The following NEK11 variants were observed in gnomAD, a reference collection of about 807,000 sequenced individuals.
NEK11 encodes NIMA related kinase 11.
A neutral mutation model predicts 80.7 loss-of-function variants in NEK11; 72 were observed. The ratio of observed to expected loss-of-function variants is 0.89; its 90% CI spans 0.74 to 1.08. NEK11 has a LOEUF of 1.08. Among genes scored for constraint, NEK11 ranks in the 50% least tolerant of loss-of-function variants. The pLI is 0.00. For missense variants in NEK11, 764 were observed against 763.6 expected (o/e 1.00, Z -0.01); for synonymous variants, 251 against 260.7 (o/e 0.96, Z 0.36).
intron 3 of NEK11, among the ~76,000 whole-genome samples, chr3:131,052,138 T>A (rs928755014): frequency 1.3e-5 from 2 of 151,320 alleles, no homozygotes; most frequent in Non-Finnish European, 2.9e-5. Flanking sequence ...TTTTTTGTTT[T>A]TTTTTTTTTT....
chr3:131,059,916 T>C (rs993877529), intron 3 of NEK11, among the ~76,000 whole-genome samples: 2 of 152,220 alleles, frequency 1.3e-5, no homozygotes, highest in Admixed American at 6.5e-5. Context: ...TATGCTTGAC[T>C]AACACAGACA....
chr3:131,238,178 G>C (rs1426399651), intron 15 of NEK11, among the ~76,000 whole-genome samples: 2 of 152,102 alleles, frequency 1.3e-5, no homozygotes, highest in Non-Finnish European at 2.9e-5. Flanking sequence ...TCTTATCAGG[G>C]AGGACTCTGA....
At chr3:131,229,018 G>T (rs2095275234) in intron 15 of NEK11, among the ~76,000 whole-genome samples, 1 of 152,144 alleles carries the variant, frequency 6.6e-6, no homozygotes, top group Non-Finnish European at 1.5e-5. Context: ...TATCTCTTTA[G>T]CAGAGAGAAT....
chr3:131,219,828 T>G (rs993322453), intron 14 of NEK11, among the ~76,000 whole-genome samples: 1 of 152,174 alleles, frequency 6.6e-6, no homozygotes, highest in African/African-American at 2.4e-5. Context: ...GACGAGGGTG[T>G]GCCAATTATA....
intron 10 of NEK11, among the ~76,000 whole-genome samples, chr3:131,159,796 T>C (rs9844721): frequency 0.48 from 72,881 of 151,796 alleles, 18,519 homozygotes; most frequent in Middle Eastern, 0.67. Flanking sequence ...CAAGTATTAG[T>C]ATCAGAATGG....
At chr3:131,094,162 G>T (rs2077112568) in intron 4 of NEK11, among the ~76,000 whole-genome samples, 1 of 151,228 alleles carries the variant, frequency 6.6e-6, no homozygotes, top group African/African-American at 2.4e-5. Flanking sequence ...AACTTGGTAT[G>T]ATCTTTTTCA....
chr3:131,135,078 A>G (rs2085302776), intron 7 of NEK11, among the ~76,000 whole-genome samples: 1 of 152,214 alleles, frequency 6.6e-6, no homozygotes, highest in Non-Finnish European at 1.5e-5. Flanking sequence ...GACAAAGTAG[A>G]AAATTACATT....
chr3:131,124,505 C>G (rs1348519206), intron 5 of NEK11, among the ~76,000 whole-genome samples: 2 of 152,044 alleles, frequency 1.3e-5, no homozygotes, highest in Non-Finnish European at 2.9e-5. Context: ...CCCTACACCC[C>G]CCACTTCCTT....
chr3:131,296,818 C>G lies in NEK11; in HGVS notation c.1718+23244C>G, dbSNP rs372849930. Among the ~76,000 whole-genome samples, 34 of 152,122 alleles carry G rather than the reference C, an allele frequency of 2.2e-4. 1 individual carries two copies. The South Asian group carries it at 7.1e-3, about 32-fold the overall frequency. On this transcript the variant is annotated intron_variant, in intron 17 of 17. Transcript: ENST00000383366. ...TAATGCTATCCCTCCCCACTCCCCCCACCCCACAACAGTCCCCAGAGTGTG... is the reference window on the plus strand; with the variant it reads ...TAATGCTATCCCTCCCCACTCCCCCGACCCCACAACAGTCCCCAGAGTGTG...
intron 16 of NEK11, among the ~76,000 whole-genome samples, chr3:131,253,210 G>A (rs1359355267): frequency 6.6e-6 from 1 of 152,138 alleles, no homozygotes; most frequent in Non-Finnish European, 1.5e-5. Context: ...AAGGTTTTGT[G>A]AAAGTACCAG....
At chr3:131,052,682 A>G (rs534967107) in intron 3 of NEK11, among the ~76,000 whole-genome samples, 1 of 152,184 alleles carries the variant, frequency 6.6e-6, no homozygotes, top group African/African-American at 2.4e-5. Context: ...AGCAGAAATT[A>G]TGTTGTAAAA....
chr3:131,168,041 C>T (rs1002559627), intron 12 of NEK11, among the ~76,000 whole-genome samples: 1 of 152,218 alleles, frequency 6.6e-6, no homozygotes, highest in Non-Finnish European at 1.5e-5. Flanking sequence ...TGTCCTCTTG[C>T]CAGCTGGTTC....
intron 3 of NEK11, among the ~76,000 whole-genome samples, chr3:131,076,608 G>GAGTAAGACAAAC (rs2074398352): frequency 6.6e-6 from 1 of 152,150 alleles, no homozygotes; most frequent in Non-Finnish European, 1.5e-5. Flanking sequence ...AAGCCAAAAA[G>GAGTAAGACAAAC]TTACTCGTTT....
intron 16 of NEK11, among the ~76,000 whole-genome samples, chr3:131,262,740 T>C (rs2095952851): frequency 1.3e-5 from 2 of 152,188 alleles, no homozygotes; most frequent in Admixed American, 6.5e-5. Flanking sequence ...GGTATACACA[T>C]GCCATGGTGG....
intron 7 of NEK11, among the ~76,000 whole-genome samples, chr3:131,138,454 A>G (rs1184496428): frequency 6.6e-6 from 1 of 152,184 alleles, no homozygotes; most frequent in Non-Finnish European, 1.5e-5. Context: ...CTGGGAGAGC[A>G]TCTCTGGACC....
chr3:131,338,033 C>T (rs13094123), intron 17 of NEK11, among the ~76,000 whole-genome samples: 1 of 152,142 alleles, frequency 6.6e-6, no homozygotes, highest in Non-Finnish European at 1.5e-5. Context: ...GTGGCACGAT[C>T]TTGGCTCACT....
chr3:131,338,841 G>A (rs773085594), intron 17 of NEK11, among the ~76,000 whole-genome samples: 3 of 152,314 alleles, frequency 2.0e-5, no homozygotes, highest in Non-Finnish European at 2.9e-5. Context: ...GGTGGAGGGA[G>A]GACTTGGTTA....
chr3:131,152,508 T>G lies in NEK11; in HGVS notation c.768T>G (p.Tyr256Ter), dbSNP rs150253539. The G allele has an allele frequency of 1.2e-6, 2 of 1,613,528 alleles. No individual in the cohort carries two copies. The highest frequency in any genetic ancestry group is 1.7e-6 in the Non-Finnish European group (2 of 1,179,684). The change falls in exon 8 of 18, where the codon TAT (tyrosine) becomes TAG (stop). Residue 256 changes from tyrosine to a stop codon, truncating the protein, a stop_gained. Coordinates refer to ENST00000383366, the MANE Select transcript of NEK11 (RefSeq NM_024800.5). LOFTEE classifies it high-confidence loss of function. ...ACACACCTTCTCTCCCTGAGAGATA[T>G]CCAAAAGAACTAAATGCCATCATGG... ...EGDTPSLPERYPKELNAIMES... is the reference protein window; with the variant it reads ...EGDTPSLPER
intron 4 of NEK11, among the ~76,000 whole-genome samples, chr3:131,103,800 T>C (rs1026799432): frequency 6.6e-6 from 1 of 152,224 alleles, no homozygotes; most frequent in Non-Finnish European, 1.5e-5. Flanking sequence ...ACCCTCTTAG[T>C]GCTCTGAGAA....
Sources: allele counts gnomAD v4.1 joint callset (sites outside exome capture counted in the v4.1 genomes callset), GRCh38; gene constraint gnomAD v4.1.1; transcripts MANE v1.5; gene names NCBI Gene and HGNC (gene_info 2026-07-23, HGNC 2026-07-21).